LARS1: variants seen among roughly 807,000 people sequenced by gnomAD.
The protein encoded by LARS1 is leucyl-tRNA synthetase 1.
Under a neutral mutation model 162.8 loss-of-function variants are expected in LARS1, and 100 were observed. The observed-to-expected ratio is 0.61, with a 90% CI of 0.52 to 0.73. The LOEUF is 0.73. LARS1 is among the 30% of genes least tolerant of loss of function. The pLI, the probability that LARS1 is intolerant of heterozygous loss-of-function variation, is 0.00. For synonymous variants in LARS1, 457 were observed against 462.8 expected, an observed-to-expected ratio of 0.99 and a Z score of 0.16; for missense variants, 1,258 against 1,408.9, an observed-to-expected ratio of 0.89 and a Z score of 1.71.
intron 31 of LARS1, among the ~76,000 whole-genome samples, chr5:146,118,408 G>A (rs1313547077): frequency 6.6e-6 from 1 of 152,110 alleles, no homozygotes; most frequent in Non-Finnish European, 1.5e-5. Context: ...CAGGTACAAA[G>A]TTATAATTAA....
chr5:146,133,157 G>A (rs1752361044), intron 22 of LARS1, 76 bp from the exon 23 acceptor site: 6 of 1,265,970 alleles, frequency 4.7e-6, no homozygotes, highest in Non-Finnish European at 6.7e-6. Context: ...GTGTCCAGTT[G>A]GATACCTTGC....
At chr5:146,149,220 T>C (rs1753159355) in intron 15 of LARS1, among the ~76,000 whole-genome samples, 1 of 152,204 alleles carries the variant, frequency 6.6e-6, no homozygotes, top group African/African-American at 2.4e-5. Flanking sequence ...TCTCATAGTA[T>C]TATGGGTATA....
chr5:146,129,919 C>T (rs762430564), intron 25 of LARS1, 99 bp downstream of exon 25: 103 of 1,260,658 alleles, frequency 8.2e-5, no homozygotes, highest in Non-Finnish European at 9.3e-5. Flanking sequence ...GAATTACTCA[C>T]TTTCAGACTT....
rs1361692879 is a variant in LARS1, at chr5:146,135,682, T to C, written c.2149-18A>G. 4 of 1,565,220 alleles carry C rather than the reference T, an allele frequency of 2.6e-6. No individual in the cohort carries two copies. The highest frequency in any genetic ancestry group is 3.5e-6 in the Non-Finnish European group (4 of 1,152,002). On this transcript the variant is annotated intron_variant, in intron 21 of 31. Coordinates refer to ENST00000394434, the MANE Select transcript of LARS1 (RefSeq NM_020117.11). Reference sequence around the variant, plus strand: ...TTTGACATCTGAAATAGAGAGTCAGTGATCAATCATTAATAACAGTAATAT... The same window carrying C: ...TTTGACATCTGAAATAGAGAGTCAGCGATCAATCATTAATAACAGTAATAT...
chr5:146,118,695 C>T (rs1302339018), intron 31 of LARS1, among the ~76,000 whole-genome samples: 4 of 151,992 alleles, frequency 2.6e-5, no homozygotes, highest in Non-Finnish European at 5.9e-5. Flanking sequence ...CAGTGATTAC[C>T]AGGGACTGGA....
At chr5:146,169,445 TAA>T (rs1754161877) in intron 4 of LARS1, among the ~76,000 whole-genome samples, 1 of 152,060 alleles carries the variant, frequency 6.6e-6, no homozygotes, top group Non-Finnish European at 1.5e-5. Flanking sequence ...AATAGAATAA[TAA>T]AAACAGGCAA....
At chr5:146,126,618 C>T in intron 27 of LARS1, 73 bp from the exon 28 acceptor site, 3 of 982,136 alleles carry the variant, frequency 3.1e-6, no homozygotes, top group Non-Finnish European at 4.8e-6. Context: ...TAGATGTGAC[C>T]AGGCATAGAA....
At chr5:146,145,542 T>G (rs899510175) in intron 15 of LARS1, among the ~76,000 whole-genome samples, 2 of 152,268 alleles carry the variant, frequency 1.3e-5, no homozygotes, top group African/African-American at 2.4e-5. Flanking sequence ...AATATAAATC[T>G]TTCTTAATGC....
Position 146,140,272 on chromosome 5 carries a change from A to G in LARS1, c.2091-11T>C. 6.3e-7 allele frequency: 1 copy of G among 1,598,270 alleles called. No homozygotes were observed. The highest frequency in any genetic ancestry group is 1.1e-5 in the South Asian group (1 of 90,768). On this transcript the variant is annotated splice_polypyrimidine_tract_variant and intron_variant, in intron 20 of 31. Transcript: ENST00000394434. ...GTAGGCCATTTGTCACTTCACAGAT[A>G]AATGTTTAAAGATAGAAAATAAAAA...
At chr5:146,147,737 A>C (rs1363210952) in intron 15 of LARS1, among the ~76,000 whole-genome samples, 2 of 152,142 alleles carry the variant, frequency 1.3e-5, no homozygotes, top group African/African-American at 4.8e-5. Flanking sequence ...AAAATAGAGA[A>C]TAAGAAAAAA....
chr5:146,124,032 C>A lies in LARS1; in HGVS notation c.3046G>T (p.Glu1016Ter), dbSNP rs1364775944. The part of the protein sequence containing the change: ...RILDLQLEFD[E>*]KAVLMENIVY... The stretch of plus-strand genomic sequence containing the variant: ...ATATTCTCCATAAGCACAGCCTTTT[C>A]ATCAAATTCTAATTGCAAATCCAGA... Residue 1016 changes from glutamate to a stop codon, truncating the protein, a stop_gained, in exon 29 of 32, where the codon GAA (glutamate) becomes TAA (stop). Transcript: ENST00000394434. LOFTEE classifies it high-confidence loss of function. 6.2e-7 allele frequency: 1 copy of A among 1,610,786 alleles called. No homozygotes were observed. The highest frequency in any genetic ancestry group is 8.5e-7 in the Non-Finnish European group (1 of 1,178,064).
chr5:146,145,384 T>G (rs546585774), intron 15 of LARS1, among the ~76,000 whole-genome samples: 1 of 152,032 alleles, frequency 6.6e-6, no homozygotes, highest in East Asian at 1.9e-4. Flanking sequence ...CACAGCCCTA[T>G]GGCAGCTTTT....
rs751520662 is a variant in LARS1, at chr5:146,157,500, A to C, written c.968T>G (p.Ile323Arg). The C allele has an allele frequency of 6.2e-7, 1 of 1,614,046 alleles. No individual in the cohort carries two copies. The highest frequency in any genetic ancestry group is 1.3e-5 in the African/African-American group (1 of 74,936). The change falls in exon 10 of 32, where the codon ATA becomes AGA. Residue 323 changes from isoleucine (I) to arginine (R), a missense_variant. Ile to Arg is a moderately conservative substitution (Grantham distance 97). Transcript: ENST00000394434. ...YIGFETVNGD[I>R]FICTQKAARN... The stretch of plus-strand genomic sequence containing the variant: ...GGCTGCTTTTTGGGTACAGATGAAT[A>C]TATCACCATTCACCGTCTCAAATCC...
intron 31 of LARS1, among the ~76,000 whole-genome samples, chr5:146,117,114 C>T (rs546061272): frequency 2.0e-5 from 3 of 152,130 alleles, no homozygotes; most frequent in Non-Finnish European, 2.9e-5. Context: ...TAATATTTTT[C>T]ACAGCTAGTA....
In LARS1 at chr5:146,157,572, A is replaced by G; in HGVS notation, c.896T>C (p.Met299Thr). The G allele has an allele frequency of 1.2e-6, 2 of 1,614,094 alleles. No individual in the cohort carries two copies. Among genetic ancestry groups the G allele is most frequent in the Non-Finnish European group, 1.7e-6 (2 of 1,180,028 alleles). Residue 299 changes from methionine (M) to threonine (T), a missense_variant, in exon 10 of 32, where the codon ATG becomes ACG. Coordinates refer to ENST00000394434, the MANE Select transcript of LARS1 (RefSeq NM_020117.11). ...AACCCAACAATTTGTCTGCCCAAAC[A>G]TGGTCTCAGGTCTGAGAGTAGCAGC... Reference protein sequence around the residue: ...LVAATLRPETMFGQTNCWVRP... With the variant: ...LVAATLRPETTFGQTNCWVRP...
At position 146,117,928 on chromosome 5, in the gene LARS1, G is replaced by T. The variant is rs186134655; in HGVS notation, c.3325+2443C>A. On this transcript the variant is annotated intron_variant, in intron 31 of 31. Transcript: ENST00000394434. ...TGTGGTGCGAATGTAAATTTGTATAGCCACTATAAAAAACAGTATCGAGGT... is the reference window on the plus strand; with the variant it reads ...TGTGGTGCGAATGTAAATTTGTATATCCACTATAAAAAACAGTATCGAGGT... Among the ~76,000 whole-genome samples, 477 of 152,258 alleles carry T rather than the reference G, an allele frequency of 3.1e-3. 9 individuals carry two copies. The highest frequency in any genetic ancestry group is 2.6e-3 in the Non-Finnish European group (175 of 68,018).
intron 22 of LARS1, 67 bp from the exon 23 acceptor site, chr5:146,133,148 T>G: frequency 7.2e-7 from 1 of 1,380,176 alleles, no homozygotes; most frequent in Non-Finnish European, 1.0e-6. Context: ...GTGTCCTATG[T>G]GTCCAGTTGG....
intron 1 of LARS1, among the ~76,000 whole-genome samples, chr5:146,178,589 G>C (rs1332318166): frequency 6.6e-6 from 1 of 151,248 alleles, no homozygotes; most frequent in African/African-American, 2.4e-5. Flanking sequence ...ACTCCAGCCT[G>C]GGCAACAAGA....
chr5:146,165,407 T>C (rs1753962460), intron 5 of LARS1, among the ~76,000 whole-genome samples: 1 of 151,880 alleles, frequency 6.6e-6, no homozygotes, highest in African/African-American at 2.4e-5. Flanking sequence ...GGCACACACC[T>C]GTAATCCCAG....
Sources: gnomAD v4.1 joint callset for allele counts (sites outside exome capture counted in the v4.1 genomes callset) on GRCh38, gnomAD v4.1.1 for gene constraint, MANE v1.5 for transcripts, NCBI Gene and HGNC (gene_info 2026-07-23, HGNC 2026-07-21) for gene names.